FBXL20: variants seen among roughly 807,000 people sequenced by gnomAD.
The protein encoded by FBXL20 is F-box and leucine rich repeat protein 20, also known as F-box/LRR-repeat protein 20.
In FBXL20, 11 loss-of-function variants were observed where a neutral mutation model predicts 64.0. The observed-to-expected ratio is 0.17, with a 90% CI of 0.11 to 0.28. The LOEUF (loss-of-function observed/expected upper bound fraction) is 0.28, where lower values mean the gene tolerates loss of function less well. Ranked by LOEUF, FBXL20 falls within the 10% of genes least tolerant of loss-of-function variation. FBXL20 has a pLI of 1.00. For synonymous variants in FBXL20, 184 were observed against 189.0 expected (o/e 0.97, Z 0.22); for missense variants, 303 against 526.2 (o/e 0.58, Z 4.15).
intron 1 of FBXL20, among the ~76,000 whole-genome samples, chr17:39,351,609 A>AT (rs1567892232): frequency 6.6e-6 from 1 of 152,224 alleles, no homozygotes; most frequent in Non-Finnish European, 1.5e-5. Context: ...GATTTTCAAT[A>AT]TAACAGTTGT....
intron 6 of FBXL20, among the ~76,000 whole-genome samples, chr17:39,290,027 A>AAAAAAT (rs1567865662): frequency 2.0e-5 from 3 of 150,324 alleles, no homozygotes; most frequent in Admixed American, 6.6e-5. Flanking sequence ...AAAAAAAAAA[A>AAAAAAT]ATTCTATGTT....
In FBXL20 at chr17:39,321,493, T is replaced by C. The variant is rs562421743; in HGVS notation, c.105-17854A>G. Reference sequence around the variant, plus strand: ...AAAAAAAAAAAAAGAAAAATCAGTCTAGGGCCAGGCACGGTGACTCATGCC... The same window carrying C: ...AAAAAAAAAAAAAGAAAAATCAGTCCAGGGCCAGGCACGGTGACTCATGCC... On this transcript the variant is annotated intron_variant, in intron 2 of 14. Coordinates refer to ENST00000264658, the MANE Select transcript of FBXL20 (RefSeq NM_032875.3). 1.1e-4 allele frequency among the ~76,000 whole-genome samples: 15 copies of C among 137,398 alleles called. 1 individual carries two copies. The highest frequency in any genetic ancestry group is 4.7e-4 in the South Asian group (2 of 4,220). The allele number at this position is 137,398 out of a possible 152,430, so 90.1% of individuals were successfully genotyped here.
chr17:39,297,214 AAG>A lies in FBXL20; in HGVS notation c.330-21_330-20del. The A allele has an allele frequency of 6.3e-7, 1 of 1,577,796 alleles. No homozygotes were observed. Among genetic ancestry groups the A allele is most frequent in the Non-Finnish European group, 8.7e-7 (1 of 1,150,818 alleles). Reference sequence around the variant, plus strand: ...AAAGGTTCTTTGTAGGAAAGAAAGTAAGAGGTTTCAAATGAAATAGGCCAAAT... The same window carrying A: ...AAAGGTTCTTTGTAGGAAAGAAAGTAAGGTTTCAAATGAAATAGGCCAAAT... On this transcript the variant is annotated intron_variant, in intron 5 of 14. Transcript: ENST00000264658.
At chr17:39,296,490 G>A (rs1229222301) in intron 6 of FBXL20, among the ~76,000 whole-genome samples, 1 of 149,736 alleles carries the variant, frequency 6.7e-6, no homozygotes, top group African/African-American at 2.5e-5. Context: ...AAGCCAGGAG[G>A]CAGAGGTTAC....
intron 2 of FBXL20, among the ~76,000 whole-genome samples, chr17:39,319,693 A>C (rs540918058): frequency 0.017 from 2,598 of 149,644 alleles, 77 homozygotes; most frequent in African/African-American, 0.062. Flanking sequence ...AAAAAAAAAA[A>C]AAACTATAGC....
intron 8 of FBXL20, among the ~76,000 whole-genome samples, chr17:39,282,042 AAAC>A (rs2046954207): frequency 1.3e-5 from 2 of 152,200 alleles, no homozygotes. Context: ...ATTCTCTTTC[AAAC>A]AATGGAACCC....
intron 6 of FBXL20, among the ~76,000 whole-genome samples, chr17:39,290,721 G>T (rs565825113): frequency 1.3e-5 from 2 of 151,934 alleles, no homozygotes; most frequent in Non-Finnish European, 1.5e-5. Context: ...GCGCCACCAT[G>T]CCCAACTAAC....
At chr17:39,387,836 G>A (rs181922531) in intron 1 of FBXL20, among the ~76,000 whole-genome samples, 166 of 151,354 alleles carry the variant, frequency 1.1e-3, no homozygotes, top group African/African-American at 3.1e-3. Context: ...CCTTGGTCTC[G>A]CAAAGTGCTG....
At chr17:39,369,334 T>G (rs2047892631) in intron 1 of FBXL20, among the ~76,000 whole-genome samples, 1 of 149,006 alleles carries the variant, frequency 6.7e-6, no homozygotes, top group Non-Finnish European at 1.5e-5. Context: ...CTTGGCTCAT[T>G]GCAAACTCCA....
chr17:39,262,478 G>A (rs2046755593), intron 14 of FBXL20, among the ~76,000 whole-genome samples: 2 of 151,876 alleles, frequency 1.3e-5, no homozygotes, highest in Middle Eastern at 3.4e-3. Flanking sequence ...ATGGCATTTC[G>A]TCATGTTGAC....
At chr17:39,347,493 G>A (rs919538523) in intron 1 of FBXL20, among the ~76,000 whole-genome samples, 56 of 152,278 alleles carry the variant, frequency 3.7e-4, no homozygotes, top group African/African-American at 1.2e-3. Context: ...GTCTTCTTTT[G>A]AGAAGTGTCT....
At chr17:39,266,892 G>A (rs1032289638) in intron 12 of FBXL20, among the ~76,000 whole-genome samples, 3 of 152,048 alleles carry the variant, frequency 2.0e-5, no homozygotes, top group Admixed American at 6.6e-5. Flanking sequence ...AGTGGCTTGC[G>A]CCTATAGTCC....
chr17:39,364,759 T>C (rs1293384171), intron 1 of FBXL20, among the ~76,000 whole-genome samples: 1 of 152,224 alleles, frequency 6.6e-6, no homozygotes, highest in Admixed American at 6.5e-5. Flanking sequence ...TGAGAGATCA[T>C]GTGGAGAACA....
intron 1 of FBXL20, among the ~76,000 whole-genome samples, chr17:39,398,533 T>C (rs554630762): frequency 6.6e-6 from 1 of 152,340 alleles, no homozygotes; most frequent in South Asian, 2.1e-4. Flanking sequence ...ATACATTTAA[T>C]GCCATGGTGA....
At chr17:39,388,658 A>AT (rs2048106016) in intron 1 of FBXL20, among the ~76,000 whole-genome samples, 1 of 150,472 alleles carries the variant, frequency 6.6e-6, no homozygotes, top group Non-Finnish European at 1.5e-5. Flanking sequence ...TAATTTTTAT[A>AT]CTTTTAATAG....
In FBXL20 at chr17:39,401,344, GC is replaced by G. The variant is rs139409462; in HGVS notation, c.42+16del. On this transcript the variant is annotated intron_variant, in intron 1 of 14. Coordinates refer to ENST00000264658, the MANE Select transcript of FBXL20 (RefSeq NM_032875.3). ...GACCCGCCCTCCTCACGCCGCCCGA[GC>G]CCCCCAAGCTCACACCTCAAACCTG... The G allele has an allele frequency of 0.019, 30,909 of 1,612,782 alleles. 678 individuals are homozygous for G. Among genetic ancestry groups the G allele is most frequent in the African/African-American group, 0.1 (7,849 of 74,944 alleles).
chr17:39,402,049 G>T, upstream of FBXL20: 1 of 863,962 alleles, frequency 1.2e-6, no homozygotes, highest in Non-Finnish European at 1.5e-6. Context: ...AAACAGGCAC[G>T]CACCTGCCTG....
intron 1 of FBXL20, among the ~76,000 whole-genome samples, chr17:39,371,658 T>G (rs7212621): frequency 0.22 from 32,575 of 151,388 alleles, 4,036 homozygotes; most frequent in African/African-American, 0.33. Context: ...TGTTGTTTAC[T>G]TTTTTCTTTT....
intron 6 of FBXL20, among the ~76,000 whole-genome samples, chr17:39,288,771 C>T (rs921564054): frequency 3.3e-5 from 5 of 151,518 alleles, no homozygotes; most frequent in African/African-American, 1.2e-4. Flanking sequence ...TGCAGTGGCG[C>T]GATCTCGGAT....
Sources: gnomAD v4.1 joint callset for allele counts (sites outside exome capture counted in the v4.1 genomes callset) on GRCh38, gnomAD v4.1.1 for gene constraint, MANE v1.5 for transcripts, NCBI Gene and HGNC (gene_info 2026-07-23, HGNC 2026-07-21) for gene names.